The following PPP1R3A variants were observed in gnomAD, a reference collection of about 807,000 sequenced individuals.
PPP1R3A encodes protein phosphatase 1 regulatory subunit 3A.
Under a neutral mutation model 41.7 loss-of-function variants are expected in PPP1R3A, and 29 were observed. The observed-to-expected ratio is 0.70, with a 90% confidence interval of 0.52 to 0.95. The LOEUF (loss-of-function observed/expected upper bound fraction) is 0.95, where lower values mean the gene tolerates loss of function less well. Among genes scored for constraint, PPP1R3A ranks in the 40% least tolerant of loss-of-function variants. The pLI, the probability that PPP1R3A is intolerant of heterozygous loss-of-function variation, is 0.00. For synonymous variants in PPP1R3A, 485 were observed against 453.4 expected, an observed-to-expected ratio of 1.07 and a Z score of -0.89; for missense variants, 1,352 against 1,292.4, an observed-to-expected ratio of 1.05 and a Z score of -0.71.
chr7:113,896,234 C>T (rs1413821613), intron 1 of PPP1R3A, among the ~76,000 whole-genome samples: 5 of 151,892 alleles, frequency 3.3e-5, no homozygotes, highest in East Asian at 3.9e-4. Flanking sequence ...CTCACCCACA[C>T]CTTTTGTGAA....
At chr7:113,888,865 T>A (rs953491606) in intron 1 of PPP1R3A, among the ~76,000 whole-genome samples, 11 of 152,182 alleles carry the variant, frequency 7.2e-5, no homozygotes, top group Non-Finnish European at 1.3e-4. Flanking sequence ...CCAGATGAAT[T>A]TCTAAGGAAC....
chr7:113,912,552 C>A (rs1554399055), intron 1 of PPP1R3A, among the ~76,000 whole-genome samples: 1 of 151,992 alleles, frequency 6.6e-6, no homozygotes, highest in Non-Finnish European at 1.5e-5. Context: ...CAGATATCTG[C>A]CCTTGAGGTC....
At chr7:113,890,825 T>C (rs1308546487) in intron 1 of PPP1R3A, among the ~76,000 whole-genome samples, 2 of 152,038 alleles carry the variant, frequency 1.3e-5, no homozygotes, top group Non-Finnish European at 2.9e-5. Context: ...CTACAGACTC[T>C]TTACCTCTGA....
chr7:113,892,076 T>A (rs1227999388), intron 1 of PPP1R3A, among the ~76,000 whole-genome samples: 1 of 152,012 alleles, frequency 6.6e-6, no homozygotes, highest in Non-Finnish European at 1.5e-5. Flanking sequence ...AGGACCAAAC[T>A]TGGAATTCTT....
At chr7:113,890,807 T>C (rs1288237754) in intron 1 of PPP1R3A, among the ~76,000 whole-genome samples, 1 of 152,032 alleles carries the variant, frequency 6.6e-6, no homozygotes, top group Non-Finnish European at 1.5e-5. Context: ...CATTCAAAAA[T>C]GTGAGTTCTA....
At position 113,884,660 on chromosome 7, in the gene PPP1R3A, GAAAAAAGAA is replaced by G. The variant is rs1268332107; in HGVS notation, c.783-2349_783-2341del. Among the ~76,000 whole-genome samples, 7 of 151,054 alleles carry G rather than the reference GAAAAAAGAA, an allele frequency of 4.6e-5. No homozygotes were observed. In the East Asian group the frequency reaches 1.4e-3, roughly 29 times the overall value. On this transcript the variant is annotated intron_variant, in intron 1 of 3. Transcript: ENST00000284601. ...CTAAGAGTAGGAAATATTTTCTTAA[GAAAAAAGAA>G]AAAAAAGATTTAAAAAATTGGTCAG...
chr7:113,910,492 T>A (rs1797227098), intron 1 of PPP1R3A, among the ~76,000 whole-genome samples: 2 of 152,190 alleles, frequency 1.3e-5, no homozygotes, highest in East Asian at 3.9e-4. Context: ...AACAATATAA[T>A]CTATTTTCTG....
chr7:113,900,444 A>T lies in PPP1R3A; in HGVS notation c.782+17771T>A, dbSNP rs116278419. 8.2e-3 allele frequency among the ~76,000 whole-genome samples: 1,245 copies of T among 151,654 alleles called. 16 individuals carry two copies. Among genetic ancestry groups the T allele is most frequent in the African/African-American group, 0.026 (1,083 of 41,476 alleles). ...ATATAAAAATACCATAACCATATAT[A>T]TTCTGGTCTTTTCTTTCTTCCTAAT... is the stretch of plus-strand genomic sequence containing the variant. On this transcript the variant is annotated intron_variant, in intron 1 of 3. Transcript: ENST00000284601.
chr7:113,878,186 G>A lies in PPP1R3A; in HGVS notation c.2906C>T (p.Pro969Leu). The A allele has an allele frequency of 6.2e-7, 1 of 1,613,232 alleles. No individual in the cohort carries two copies. Among genetic ancestry groups the A allele is most frequent in the Non-Finnish European group, 8.5e-7 (1 of 1,179,592 alleles). Residue 969 changes from proline to leucine, a missense_variant, in exon 4 of 4, where the codon CCT becomes CTT. Physicochemically the swap from Pro to Leu is moderately conservative, Grantham distance 98. Transcript: ENST00000284601. ...EIQGIEKHPY[P>L]ESKPEEVSRS... Reference sequence around the variant, plus strand: ...GGAAACTTCTTCAGGTTTAGACTCAGGATAAGGGTGCTTCTCAATACCCTG... The same window carrying A: ...GGAAACTTCTTCAGGTTTAGACTCAAGATAAGGGTGCTTCTCAATACCCTG...
Position 113,879,694 on chromosome 7 carries a change from A to G in PPP1R3A, c.1398T>C (p.Leu466=), listed in dbSNP as rs560667995. 1 of 1,613,030 alleles carries G rather than the reference A, an allele frequency of 6.2e-7. No individual in the cohort carries two copies. Among genetic ancestry groups the G allele is most frequent in the Admixed American group, 1.7e-5 (1 of 59,816 alleles). ...PSSDQLMAGN[L]NKKHEGGAKN... is the part of the protein sequence containing the mutation. The stretch of plus-strand genomic sequence containing the variant: ...TAGCTCCTCCTTCATGTTTTTTATT[A>G]AGGTTTCCTGCCATTAGTTGATCTG... The change falls in exon 4 of 4, where the codon CTT becomes CTC. Residue 466 remains leucine (L), a synonymous_variant. Transcript: ENST00000284601.
intron 1 of PPP1R3A, among the ~76,000 whole-genome samples, chr7:113,896,802 T>C (rs1234717036): frequency 6.6e-6 from 1 of 151,880 alleles, no homozygotes; most frequent in Non-Finnish European, 1.5e-5. Context: ...TCAACTATTA[T>C]TATTATATTG....
chr7:113,910,972 C>T (rs1196944135), intron 1 of PPP1R3A, among the ~76,000 whole-genome samples: 1 of 152,070 alleles, frequency 6.6e-6, no homozygotes, highest in Non-Finnish European at 1.5e-5. Context: ...AAATCAAAAC[C>T]ATGACTACAC....
chr7:113,888,778 A>C (rs1796830779), intron 1 of PPP1R3A, among the ~76,000 whole-genome samples: 1 of 152,184 alleles, frequency 6.6e-6, no homozygotes, highest in African/African-American at 2.4e-5. Context: ...ATGTTTTCTC[A>C]TTCACACTAG....
chr7:113,893,290 A>C (rs1796923529), intron 1 of PPP1R3A, among the ~76,000 whole-genome samples: 1 of 152,016 alleles, frequency 6.6e-6, no homozygotes, highest in South Asian at 2.1e-4. Flanking sequence ...CAAAAACAAA[A>C]ATGCTGGTAG....
chr7:113,913,101 GT>G (rs1488146047), intron 1 of PPP1R3A, among the ~76,000 whole-genome samples: 1 of 152,026 alleles, frequency 6.6e-6, no homozygotes, highest in Non-Finnish European at 1.5e-5. Flanking sequence ...TGTGTTTTAT[GT>G]TTCCACGTGG....
At chr7:113,899,170 A>T (rs542310775) in intron 1 of PPP1R3A, among the ~76,000 whole-genome samples, 2 of 151,850 alleles carry the variant, frequency 1.3e-5, no homozygotes, top group East Asian at 3.9e-4. Flanking sequence ...TCCCTTAAAA[A>T]TGCCCAGTCA....
At chr7:113,913,440 C>T (rs1174987534) in intron 1 of PPP1R3A, among the ~76,000 whole-genome samples, 4 of 152,104 alleles carry the variant, frequency 2.6e-5, no homozygotes, top group Admixed American at 6.6e-5. Flanking sequence ...TTCTCTCTTT[C>T]CTGTTCCTGA....
At chr7:113,902,226 C>T (rs1294358095) in intron 1 of PPP1R3A, among the ~76,000 whole-genome samples, 2 of 151,724 alleles carry the variant, frequency 1.3e-5, no homozygotes, top group Non-Finnish European at 2.9e-5. Flanking sequence ...CTCCTGAACT[C>T]AAGTGATACT....
intron 1 of PPP1R3A, among the ~76,000 whole-genome samples, chr7:113,899,808 C>T (rs916406378): frequency 4.6e-5 from 7 of 151,730 alleles, no homozygotes; most frequent in African/African-American, 1.4e-4. Flanking sequence ...AATTTTGAGA[C>T]GCACTGGTTT....
Sources: allele counts gnomAD v4.1 joint callset (sites outside exome capture counted in the v4.1 genomes callset), GRCh38; gene constraint gnomAD v4.1.1; transcripts MANE v1.5; gene names NCBI Gene and HGNC (gene_info 2026-07-23, HGNC 2026-07-21).